The following GPC5 variants were observed in gnomAD, a reference collection of about 807,000 sequenced individuals.
GPC5 encodes the protein glypican-5.
GPC5 carries 47 observed loss-of-function variants against 53.9 expected under a neutral mutation model. That is an observed-to-expected ratio of 0.87 (90% CI 0.69 to 1.11). The LOEUF is 1.11. Ranked by LOEUF, GPC5 falls within the 50% of genes most tolerant of loss-of-function variation. The pLI is 0.00. For missense variants in GPC5, 748 were observed against 713.1 expected, an observed-to-expected ratio of 1.05 and a Z score of -0.56; for synonymous variants, 286 against 263.3, an observed-to-expected ratio of 1.09 and a Z score of -0.84.
intron 2 of GPC5, among the ~76,000 whole-genome samples, chr13:91,596,813 A>T (rs1470727321): frequency 1.3e-5 from 2 of 152,112 alleles, no homozygotes; most frequent in African/African-American, 2.4e-5. Flanking sequence ...CTGTCACTGT[A>T]AGAGTTGGGT....
At chr13:92,107,835 C>T (rs2041521926) in intron 6 of GPC5, among the ~76,000 whole-genome samples, 1 of 152,150 alleles carries the variant, frequency 6.6e-6, no homozygotes, top group Non-Finnish European at 1.5e-5. Flanking sequence ...AAATGCTGCT[C>T]TAAACCATTT....
chr13:92,128,460 A>C (rs1305786690), intron 6 of GPC5, among the ~76,000 whole-genome samples: 1 of 152,234 alleles, frequency 6.6e-6, no homozygotes, highest in African/African-American at 2.4e-5. Context: ...GTTGGTTGAA[A>C]TCTACTGCCT....
intron 7 of GPC5, among the ~76,000 whole-genome samples, chr13:92,702,225 A>C (rs1426040863): frequency 6.6e-6 from 1 of 152,102 alleles, no homozygotes; most frequent in African/African-American, 2.4e-5. Flanking sequence ...TGTTCTCTCT[A>C]CACTCACATC....
intron 7 of GPC5, among the ~76,000 whole-genome samples, chr13:92,618,866 ACTAT>A (rs1430950387): frequency 2.0e-5 from 3 of 151,946 alleles, no homozygotes; most frequent in Non-Finnish European, 2.9e-5. Context: ...TAAGAGTCTC[ACTAT>A]CTATTATGGT....
chr13:91,458,140 T>C (rs950410275), intron 2 of GPC5, among the ~76,000 whole-genome samples: 4 of 151,992 alleles, frequency 2.6e-5, no homozygotes, highest in Non-Finnish European at 4.4e-5. Context: ...GAGTTAGTCA[T>C]GTGGATACCT....
intron 7 of GPC5, among the ~76,000 whole-genome samples, chr13:92,382,795 G>C (rs1047524213): frequency 6.6e-6 from 1 of 151,928 alleles, no homozygotes; most frequent in Non-Finnish European, 1.5e-5. Flanking sequence ...CGGATCACGA[G>C]GTCAGGAGAT....
At chr13:91,797,719 C>G (rs1037086293) in intron 5 of GPC5, among the ~76,000 whole-genome samples, 5 of 152,130 alleles carry the variant, frequency 3.3e-5, no homozygotes, top group African/African-American at 1.2e-4. Context: ...AGTGCTTTTC[C>G]TGCTAGATGG....
At chr13:92,658,951 C>T (rs573172156) in intron 7 of GPC5, 1 of 86,640 alleles carries the variant, frequency 1.2e-5, no homozygotes, top group Non-Finnish European at 2.1e-5. Context: ...TTTTTTGAGA[C>T]GGAGTCTCGC....
rs184325743 is a variant in GPC5, at chr13:92,677,137, T to C, written c.1562-189145T>C. ...AAACCTTTAACTTATTAAAATTTTGTTATTCTGATTATTCTAATTTTACAA... is the reference window on the plus strand; with the variant it reads ...AAACCTTTAACTTATTAAAATTTTGCTATTCTGATTATTCTAATTTTACAA... On this transcript the variant is annotated intron_variant, in intron 7 of 7. Coordinates refer to ENST00000377067, the MANE Select transcript of GPC5 (RefSeq NM_004466.6). 1.4e-3 allele frequency among the ~76,000 whole-genome samples: 209 copies of C among 152,300 alleles called. 1 individual carries two copies. The highest frequency in any genetic ancestry group is 4.8e-3 in the African/African-American group (198 of 41,576).
intron 6 of GPC5, among the ~76,000 whole-genome samples, chr13:92,077,982 T>C (rs559752068): frequency 7.2e-4 from 109 of 151,378 alleles, no homozygotes; most frequent in African/African-American, 2.6e-3. Context: ...GATAGATAGA[T>C]ATACATACAT....
intron 6 of GPC5, among the ~76,000 whole-genome samples, chr13:92,107,722 G>A (rs1199850171): frequency 6.6e-6 from 1 of 152,070 alleles, no homozygotes; most frequent in Non-Finnish European, 1.5e-5. Context: ...CCATATATGT[G>A]AGCATTAAAG....
chr13:92,040,207 A>C (rs1458933184), intron 6 of GPC5, among the ~76,000 whole-genome samples: 3 of 152,198 alleles, frequency 2.0e-5, no homozygotes, highest in African/African-American at 7.2e-5. Flanking sequence ...GGGCCACGGT[A>C]TGTGTGGAGT....
chr13:92,732,138 A>G (rs1236711141), intron 7 of GPC5, among the ~76,000 whole-genome samples: 1 of 151,508 alleles, frequency 6.6e-6, no homozygotes, highest in East Asian at 1.9e-4. Flanking sequence ...CTTTTTACTT[A>G]GAAAAAGAAC....
At chr13:91,490,463 GTTTT>G (rs1883881240) in intron 2 of GPC5, among the ~76,000 whole-genome samples, 1 of 152,072 alleles carries the variant, frequency 6.6e-6, no homozygotes, top group Non-Finnish European at 1.5e-5. Flanking sequence ...AGGGTTTTAA[GTTTT>G]TTATTTTGTT....
At chr13:92,586,980 G>T (rs9589589) in intron 7 of GPC5, among the ~76,000 whole-genome samples, 2 of 133,068 alleles carry the variant, frequency 1.5e-5, no homozygotes, top group Non-Finnish European at 3.2e-5. Context: ...ACACACACAC[G>T]CACACACACT....
At chr13:92,751,008 A>C (rs1376021332) in intron 7 of GPC5, among the ~76,000 whole-genome samples, 1 of 152,168 alleles carries the variant, frequency 6.6e-6, no homozygotes, top group Non-Finnish European at 1.5e-5. Context: ...ATTGTTTAAA[A>C]TAGGCATGCT....
chr13:91,967,542 T>G (rs2040192585), intron 6 of GPC5, among the ~76,000 whole-genome samples: 1 of 152,120 alleles, frequency 6.6e-6, no homozygotes, highest in Admixed American at 6.6e-5. Flanking sequence ...TGTTCAGATT[T>G]TTGAAAATTA....
intron 7 of GPC5, among the ~76,000 whole-genome samples, chr13:92,853,005 C>T (rs565397784): frequency 6.6e-6 from 1 of 152,258 alleles, no homozygotes; most frequent in East Asian, 1.9e-4. Context: ...GCTCCATTTG[C>T]ACATCAGAGT....
rs553822146 is a variant in GPC5 at position 92,453,480 on chromosome 13, C to T, written c.1561+308491C>T. 1.3e-5 allele frequency among the ~76,000 whole-genome samples: 2 copies of T among 151,648 alleles called. 1 individual carries two copies. Among genetic ancestry groups the T allele is most frequent in the Admixed American group, 1.3e-4 (2 of 15,242 alleles). On this transcript the variant is annotated intron_variant, in intron 7 of 7. Coordinates refer to ENST00000377067, the MANE Select transcript of GPC5 (RefSeq NM_004466.6). ...CTGGTACACTGAATGACATGAGCCCCGCGCCGACTCCAAGATTAGCAAATA... is the reference window on the plus strand; with the variant it reads ...CTGGTACACTGAATGACATGAGCCCTGCGCCGACTCCAAGATTAGCAAATA...
Sources: gnomAD v4.1 joint callset for allele counts (sites outside exome capture counted in the v4.1 genomes callset) on GRCh38, gnomAD v4.1.1 for gene constraint, MANE v1.5 for transcripts, NCBI Gene and HGNC (gene_info 2026-07-23, HGNC 2026-07-21) for gene names.